The following SULF2 variants were observed in gnomAD, a reference collection of about 807,000 sequenced individuals.
The protein encoded by SULF2 is sulfatase 2, also known as extracellular sulfatase Sulf-2.
SULF2 carries 52 observed loss-of-function variants against 107.7 expected under a neutral mutation model. That is an observed-to-expected ratio of 0.48 (90% CI 0.39 to 0.61). The LOEUF is 0.61. Among genes scored for constraint, SULF2 ranks in the 20% least tolerant of loss-of-function variants. The pLI, the probability that SULF2 is intolerant of heterozygous loss-of-function variation, is 0.00. For missense variants in SULF2, 993 were observed against 1,177.3 expected (o/e 0.84, Z 2.29); for synonymous variants, 460 against 464.3 (o/e 0.99, Z 0.12).
chr20:47,782,350 T>C (rs2090847922), intron 1 of SULF2, among the ~76,000 whole-genome samples: 1 of 152,198 alleles, frequency 6.6e-6, no homozygotes, highest in South Asian at 2.1e-4. Context: ...CAATTAATTA[T>C]AACGATCTTA....
At chr20:47,709,701 G>A (rs2088862122) in intron 3 of SULF2, among the ~76,000 whole-genome samples, 1 of 152,202 alleles carries the variant, frequency 6.6e-6, no homozygotes, top group Non-Finnish European at 1.5e-5. Context: ...TGGAACTGGT[G>A]GGATACATAA....
chr20:47,663,684 T>A, intron 15 of SULF2, 62 bp from the exon 16 acceptor site: 1 of 1,499,012 alleles, frequency 6.7e-7, no homozygotes, highest in East Asian at 2.3e-5. Flanking sequence ...CCCATGTCTC[T>A]GCTCTTCCTG....
chr20:47,753,315 C>T (rs2090204289), intron 2 of SULF2, among the ~76,000 whole-genome samples: 1 of 152,144 alleles, frequency 6.6e-6, no homozygotes, highest in Non-Finnish European at 1.5e-5. Context: ...ATACAAGAGC[C>T]ACCACCAAGT....
At chr20:47,717,690 G>A in intron 3 of SULF2, among the ~76,000 whole-genome samples, 1 of 152,194 alleles carries the variant, frequency 6.6e-6, no homozygotes, top group East Asian at 1.9e-4. Context: ...GTGGGCTTTT[G>A]AAGGAAGGTC....
At chr20:47,700,257 C>G (rs997662005) in intron 4 of SULF2, among the ~76,000 whole-genome samples, 10 of 152,184 alleles carry the variant, frequency 6.6e-5, no homozygotes, top group African/African-American at 1.9e-4. Flanking sequence ...TTTTTGTAAA[C>G]AAAGCTTCCT....
intron 4 of SULF2, among the ~76,000 whole-genome samples, chr20:47,702,309 C>T (rs946774119): frequency 2.0e-5 from 3 of 152,204 alleles, no homozygotes; most frequent in Admixed American, 6.5e-5. Flanking sequence ...ATTCACCTGC[C>T]TTAGCCTCCC....
chr20:47,731,618 G>A (rs1158445303), intron 3 of SULF2, among the ~76,000 whole-genome samples: 1 of 152,202 alleles, frequency 6.6e-6, no homozygotes, highest in East Asian at 1.9e-4. Flanking sequence ...GGGCAGCCAG[G>A]AAGTGTGTTC....
intron 3 of SULF2, among the ~76,000 whole-genome samples, chr20:47,705,827 G>T (rs6122606): frequency 0.15 from 22,378 of 149,894 alleles, 2,021 homozygotes; most frequent in East Asian, 0.35. Flanking sequence ...TTGAGAGAGG[G>T]TCTCGCTGTT....
At chr20:47,715,146 G>T (rs1233553444) in intron 3 of SULF2, among the ~76,000 whole-genome samples, 3 of 144,608 alleles carry the variant, frequency 2.1e-5, no homozygotes, top group African/African-American at 7.8e-5. Context: ...TGCCCAGGCT[G>T]GTCTCAATGC....
chr20:47,740,599 C>A (rs1384020475), intron 2 of SULF2, among the ~76,000 whole-genome samples: 2 of 152,136 alleles, frequency 1.3e-5, no homozygotes, highest in Non-Finnish European at 1.5e-5. Context: ...CTACTTAGGG[C>A]AAGTAACCTT....
intron 17 of SULF2, 149 bp downstream of exon 17, chr20:47,662,921 T>A (rs1374193928): frequency 1.2e-6 from 1 of 817,038 alleles, no homozygotes; most frequent in African/African-American, 1.7e-5. Flanking sequence ...GAACCCCCAA[T>A]CTCAGCAGCT....
At chr20:47,715,165 A>C (rs1326065192) in intron 3 of SULF2, among the ~76,000 whole-genome samples, 4 of 149,012 alleles carry the variant, frequency 2.7e-5, no homozygotes, top group Non-Finnish European at 5.9e-5. Context: ...GCCTGGGCTC[A>C]AGCGATCTGC....
chr20:47,724,682 C>A (rs1443530531), intron 3 of SULF2, among the ~76,000 whole-genome samples: 1 of 152,094 alleles, frequency 6.6e-6, no homozygotes, highest in Non-Finnish European at 1.5e-5. Flanking sequence ...CTGTCTTGTG[C>A]CTTTTAAAGT....
At position 47,666,424 on chromosome 20, in the gene SULF2, C is replaced by A; in HGVS notation, c.1641G>T (p.Arg547Ser). The change falls in exon 12 of 21, where the codon AGG becomes AGT. Residue 547 changes from arginine to serine, a missense_variant. This residue lies in a region of SULF2 where 497 missense variants were observed against 544.1 expected (regional missense o/e 0.91). Transcript: ENST00000688720. The surrounding 1 kb of genome is among the most constrained non-coding windows in gnomAD (Gnocchi z 5.4). The part of the protein sequence containing the change: ...IRSVAIEVDG[R>S]VYHVGLGDAA... ...CATCACCCAGGCCTACGTGGTACAC[C>A]CTGCCGTCCACCTCGATGGCCACTG... The A allele has an allele frequency of 6.2e-7, 1 of 1,613,906 alleles. No individual in the cohort carries two copies. Among genetic ancestry groups the A allele is most frequent in the Non-Finnish European group, 8.5e-7 (1 of 1,180,044 alleles).
intron 3 of SULF2, among the ~76,000 whole-genome samples, chr20:47,725,081 G>A (rs2089403387): frequency 6.6e-6 from 1 of 152,162 alleles, no homozygotes; most frequent in Non-Finnish European, 1.5e-5. Flanking sequence ...TCAGGCAGAC[G>A]CCTGCACCTA....
chr20:47,742,537 C>G (rs931037804), intron 2 of SULF2, among the ~76,000 whole-genome samples: 1 of 152,110 alleles, frequency 6.6e-6, no homozygotes, highest in African/African-American at 2.4e-5. Flanking sequence ...CCCAAACCAC[C>G]CAACTGCTAG....
chr20:47,706,520 C>T (rs185378726), intron 3 of SULF2: 1 of 152,282 alleles, frequency 6.6e-6, no homozygotes. Flanking sequence ...GGGTATGTTC[C>T]AATAAAACTT....
chr20:47,749,605 C>T (rs1163385356), intron 2 of SULF2, among the ~76,000 whole-genome samples: 1 of 152,240 alleles, frequency 6.6e-6, no homozygotes, highest in Non-Finnish European at 1.5e-5. Flanking sequence ...AGTACTTGAG[C>T]CTGCGATTTG....
At chr20:47,731,210 T>TTTTTTTTA (rs1491437167) in intron 3 of SULF2, among the ~76,000 whole-genome samples, 2 of 135,712 alleles carry the variant, frequency 1.5e-5, no homozygotes, top group Admixed American at 7.3e-5. Flanking sequence ...TTTTTTTTTT[T>TTTTTTTTA]GAGACAGAGT....
Sources: gnomAD v4.1 joint callset for allele counts (sites outside exome capture counted in the v4.1 genomes callset) on GRCh38, gnomAD v4.1.1 for gene constraint, gnomAD v4.1.1 regional missense constraint, Gnocchi (gnomAD v3.1) non-coding constraint, MANE v1.5 for transcripts, NCBI Gene and HGNC (gene_info 2026-07-23, HGNC 2026-07-21) for gene names.